The following TMEM169 variants were observed in gnomAD, a reference collection of about 807,000 sequenced individuals.
TMEM169 encodes transmembrane protein 169.
A neutral mutation model predicts 27.3 loss-of-function variants in TMEM169; 18 were observed. The ratio of observed to expected loss-of-function variants is 0.66; its 90% CI spans 0.46 to 0.98. The LOEUF (loss-of-function observed/expected upper bound fraction) is 0.98, where lower values mean the gene tolerates loss of function less well. Among genes scored for constraint, TMEM169 ranks in the 50% least tolerant of loss-of-function variants. The pLI, the probability that TMEM169 is intolerant of heterozygous loss-of-function variation, is 0.00. For missense variants in TMEM169, 320 were observed against 368.6 expected (o/e 0.87, Z 1.08); for synonymous variants, 136 against 142.1 (o/e 0.96, Z 0.30).
chr2:216,100,737 C>T lies in TMEM169; in HGVS notation c.*195C>T. 1.5e-6 allele frequency: 1 copy of T among 686,676 alleles called. No individual in the cohort carries two copies. Among genetic ancestry groups the T allele is most frequent in the Non-Finnish European group, 2.4e-6 (1 of 415,596 alleles). The allele number at this position is 686,676 out of a possible 1,614,324, so 42.5% of individuals were successfully genotyped here. A position where few individuals can be genotyped will look rare whatever the true frequency, so the allele number is the denominator to read the frequency against. On this transcript the variant is annotated 3_prime_UTR_variant, in exon 3 of 3. Coordinates refer to ENST00000437356, the MANE Select transcript of TMEM169 (RefSeq NM_001142311.2). The stretch of plus-strand genomic sequence containing the variant: ...GACAAGCAATTGTGCCAAAGCAGTT[C>T]ACCCAATGGACAAACTCTTTTTGAT...
At position 216,101,222 on chromosome 2, in the gene TMEM169, A is replaced by C. The variant is rs1316021250; in HGVS notation, c.*680A>C. The C allele has an allele frequency of 6.5e-6, 1 of 153,796 alleles. No individual in the cohort carries two copies. The highest frequency in any genetic ancestry group is 2.4e-5 in the African/African-American group (1 of 41,444). 9.5% of individuals were successfully genotyped at this position (153,796 alleles called of 1,614,324 possible). A position where few individuals can be genotyped will look rare whatever the true frequency, so the allele number is the denominator to read the frequency against. Reference sequence around the variant, plus strand: ...ACATCCCAGTGCTGATTACATCTTCAGCCATCACATCCATGTTTCTGATAA... The same window carrying C: ...ACATCCCAGTGCTGATTACATCTTCCGCCATCACATCCATGTTTCTGATAA... On this transcript the variant is annotated 3_prime_UTR_variant, in exon 3 of 3. Coordinates refer to ENST00000437356, the MANE Select transcript of TMEM169 (RefSeq NM_001142311.2).
chr2:216,096,359 T>C (rs1423497332), intron 2 of TMEM169, 125 bp downstream of exon 2: 2 of 1,130,746 alleles, frequency 1.8e-6, no homozygotes, highest in Non-Finnish European at 2.5e-6. Context: ...CTTGCAATAT[T>C]ACCACCTTTT....
At chr2:216,096,344 T>G in intron 2 of TMEM169, 110 bp downstream of exon 2, 1 of 1,285,786 alleles carries the variant, frequency 7.8e-7, no homozygotes, top group Non-Finnish European at 1.1e-6. Context: ...GGTGATACAT[T>G]TCTTCTTGCA....
rs150732274 is a variant in TMEM169, at chr2:216,101,062, A to G, written c.*520A>G. The G allele has an allele frequency of 1.4e-3, 253 of 175,506 alleles. 1 individual carries two copies. The highest frequency in any genetic ancestry group is 5.8e-3 in the African/African-American group (243 of 41,654). The allele number at this position is 175,506 out of a possible 1,614,324, so 10.9% of individuals were successfully genotyped here. On this transcript the variant is annotated 3_prime_UTR_variant, in exon 3 of 3. Coordinates refer to ENST00000437356, the MANE Select transcript of TMEM169 (RefSeq NM_001142311.2). Reference sequence around the variant, plus strand: ...AAAATATCAGTGGCTTAAACAAGATAGAAGTGTATTTCTTTCTTGTGCAGA... The same window carrying G: ...AAAATATCAGTGGCTTAAACAAGATGGAAGTGTATTTCTTTCTTGTGCAGA...
At chr2:216,082,463 A>T (rs1449909064) in intron 1 of TMEM169, 1 of 152,446 alleles carries the variant, frequency 6.6e-6, no homozygotes, top group Non-Finnish European at 1.5e-5. Flanking sequence ...AATCAAGGGG[A>T]AAGATCATCT....
chr2:216,100,604 G>A lies in TMEM169; in HGVS notation c.*62G>A, dbSNP rs1239969668. 6.2e-7 allele frequency: 1 copy of A among 1,604,538 alleles called. No homozygotes were observed. Among genetic ancestry groups the A allele is most frequent in the Non-Finnish European group, 8.5e-7 (1 of 1,175,842 alleles). ...GCCTATATATCATCTTAAAATTCCA[G>A]CAGATTATTTCTTTAAATTACCCCC... On this transcript the variant is annotated 3_prime_UTR_variant, in exon 3 of 3. Coordinates refer to ENST00000437356, the MANE Select transcript of TMEM169 (RefSeq NM_001142311.2).
In TMEM169 at chr2:216,081,927, T is replaced by G; in HGVS notation, c.-179T>G. On this transcript the variant is annotated 5_prime_UTR_variant, in exon 1 of 3. Coordinates refer to ENST00000437356, the MANE Select transcript of TMEM169 (RefSeq NM_001142311.2). ...CCGCATCCTCCCGGAGCAGAACCGC[T>G]CCCCGCCGGCTGTCCGCAACCTCCG... The G allele has an allele frequency of 1.6e-6, 1 of 621,984 alleles. No homozygotes were observed. The highest frequency in any genetic ancestry group is 2.7e-6 in the Non-Finnish European group (1 of 373,310). 38.5% of individuals were successfully genotyped at this position (621,984 alleles called of 1,614,324 possible).
At chr2:216,087,883 G>T (rs1696041782) in intron 1 of TMEM169, among the ~76,000 whole-genome samples, 2 of 152,314 alleles carry the variant, frequency 1.3e-5, no homozygotes, top group Admixed American at 1.3e-4. Flanking sequence ...ACCTAGGCTG[G>T]TATGGTGGCT....
At position 216,082,100 on chromosome 2, in the gene TMEM169, A is replaced by T. The variant is rs575688901; in HGVS notation, c.-127+121A>T. On this transcript the variant is annotated intron_variant, in intron 1 of 2. Coordinates refer to ENST00000437356, the MANE Select transcript of TMEM169 (RefSeq NM_001142311.2). ...GGGTGTGCTCTATTTCAAAAATTCA[A>T]TCCTCAGGGCTGAAGCTCTCACGAT... 6.6e-4 allele frequency: 157 copies of T among 238,334 alleles called. 1 individual carries two copies. The Middle Eastern group carries it at 0.013, about 20-fold the overall frequency. The allele number at this position is 238,334 out of a possible 1,614,324, so 14.8% of individuals were successfully genotyped here.
At position 216,099,150 on chromosome 2, in the gene TMEM169, G is replaced by A. The variant is rs923817507; in HGVS notation, c.272-770G>A. 4.0e-5 allele frequency among the ~76,000 whole-genome samples: 6 copies of A among 151,556 alleles called. No homozygotes were observed. The highest frequency in any genetic ancestry group is 7.3e-5 in the African/African-American group (3 of 41,192). On this transcript the variant is annotated intron_variant, in intron 2 of 2. Transcript: ENST00000437356. The surrounding 1 kb of genome is among the most constrained non-coding windows in gnomAD (Gnocchi z 5.0). ...GGTATGTGGTGTGTATATGGTATGT[G>A]TATGTGTTGTATGTGGTATGTGTGG...
At chr2:216,084,181 C>G (rs962792361) in intron 1 of TMEM169, among the ~76,000 whole-genome samples, 1 of 151,996 alleles carries the variant, frequency 6.6e-6, no homozygotes, top group Non-Finnish European at 1.5e-5. Flanking sequence ...CTCCCCCACC[C>G]CATCTGCCTG....
At position 216,100,332 on chromosome 2, in the gene TMEM169, C is replaced by T. The variant is rs149385103; in HGVS notation, c.684C>T (p.Tyr228=). 110 of 1,613,986 alleles carry T rather than the reference C, an allele frequency of 6.8e-5. No homozygotes were observed. In the African/African-American group the frequency reaches 1.2e-3, roughly 17 times the overall value. Residue 228 remains tyrosine, a synonymous_variant, in exon 3 of 3, where the codon TAC becomes TAT. Coordinates refer to ENST00000437356, the MANE Select transcript of TMEM169 (RefSeq NM_001142311.2). The stretch of plus-strand genomic sequence containing the variant: ...CCATGGCTTCTTCCCTCGGCCTCTA[C>T]GCTGCTGTGGTCCAGCTCTCGTGGT... ...IMAMASSLGL[Y]AAVVQLSWSW...
chr2:216,097,263 C>T (rs115345597), intron 2 of TMEM169, among the ~76,000 whole-genome samples: 1,906 of 152,268 alleles, frequency 0.013, 35 homozygotes, highest in African/African-American at 0.043. Flanking sequence ...AGGCTGGGCA[C>T]GGTGGCTCAC....
intron 1 of TMEM169, among the ~76,000 whole-genome samples, chr2:216,083,814 A>G (rs1220664215): frequency 6.6e-6 from 1 of 152,242 alleles, no homozygotes; most frequent in Non-Finnish European, 1.5e-5. Context: ...ATTAGGAGGC[A>G]TGATCTCTTT....
At position 216,096,007 on chromosome 2, in the gene TMEM169, G is replaced by GC; in HGVS notation, c.49dup (p.His17ProfsTer44). On this transcript the variant is annotated frameshift_variant, in exon 2 of 3. Transcript: ENST00000437356. LOFTEE classifies it high-confidence loss of function. ...GTAGAAGGCCAGGTCCAGCTTCCAA[G>GC]CCCCCACCAGGGCTCTCTCAGGAAG... The GC allele has an allele frequency of 6.2e-7, 1 of 1,614,154 alleles. No individual in the cohort carries two copies. The highest frequency in any genetic ancestry group is 1.3e-5 in the African/African-American group (1 of 75,058).
chr2:216,094,417 G>A (rs754169923), intron 1 of TMEM169, among the ~76,000 whole-genome samples: 21 of 152,284 alleles, frequency 1.4e-4, no homozygotes, highest in Non-Finnish European at 2.9e-4. Context: ...GTGCATGAGA[G>A]TATTCTAGCT....
Position 216,095,109 on chromosome 2 carries a change from C to CTTTTTTTTTTTTTTTTTTTTTTT in TMEM169, c.-126-715_-126-714insTTTTTTTTTTTTTTTTTTTTTTT, listed in dbSNP as rs71047975. Among the ~76,000 whole-genome samples the CTTTTTTTTTTTTTTTTTTTTTTT allele has an allele frequency of 2.0e-3, 220 of 110,432 alleles. 4 individuals carry two copies. Among genetic ancestry groups the CTTTTTTTTTTTTTTTTTTTTTTT allele is most frequent in the East Asian group, 4.0e-3 (14 of 3,472 alleles). 72.4% of individuals were successfully genotyped at this position (110,432 alleles called of 152,430 possible). A position where few individuals can be genotyped will look rare whatever the true frequency, so the allele number is the denominator to read the frequency against. On this transcript the variant is annotated intron_variant, in intron 1 of 2. Coordinates refer to ENST00000437356, the MANE Select transcript of TMEM169 (RefSeq NM_001142311.2). The stretch of plus-strand genomic sequence containing the variant: ...AGCCACCTATGGTTCTTTTTTCTTT[C>CTTTTTTTTTTTTTTTTTTTTTTT]TTTTTTTTTTTTTTGACAGAGTCTC...
intron 1 of TMEM169, among the ~76,000 whole-genome samples, chr2:216,094,118 G>C (rs1030044642): frequency 3.3e-5 from 5 of 152,316 alleles, no homozygotes; most frequent in Middle Eastern, 3.4e-3. Context: ...GAGGGATTTG[G>C]GAGTTGGGAA....
intron 1 of TMEM169, among the ~76,000 whole-genome samples, chr2:216,085,100 C>T (rs1695965955): frequency 6.6e-6 from 1 of 152,166 alleles, no homozygotes; most frequent in Admixed American, 6.5e-5. Flanking sequence ...AACAATTCTC[C>T]TGCCTCAGCC....
Sources: allele counts gnomAD v4.1 joint callset (sites outside exome capture counted in the v4.1 genomes callset), GRCh38; gene constraint gnomAD v4.1.1; non-coding constraint Gnocchi (gnomAD v3.1); transcripts MANE v1.5; gene names NCBI Gene and HGNC (gene_info 2026-07-23, HGNC 2026-07-21).